Variants in PTPRD observed in about 807,000 individuals in gnomAD.
PTPRD encodes receptor-type tyrosine-protein phosphatase delta.
PTPRD carries 34 observed loss-of-function variants against 214.5 expected under a neutral mutation model. The ratio of observed to expected loss-of-function variants is 0.16; its 90% CI spans 0.12 to 0.21. The LOEUF (loss-of-function observed/expected upper bound fraction) is 0.21. Among genes scored for constraint, PTPRD ranks in the 10% least tolerant of loss-of-function variants. PTPRD has a pLI of 1.00. For missense variants in PTPRD, 2,545 were observed against 2,398.7 expected (o/e 1.06, Z -1.27); for synonymous variants, 1,128 against 845.7 (o/e 1.33, Z -5.79).
At chr9:10,310,753 C>T (rs1390686415) in intron 3 of PTPRD, among the ~76,000 whole-genome samples, 2 of 152,072 alleles carry the variant, frequency 1.3e-5, no homozygotes, top group Admixed American at 6.6e-5. Context: ...GACACACTTA[C>T]GTGTAACACT....
At chr9:9,631,871 A>G (rs2095605690) in intron 7 of PTPRD, among the ~76,000 whole-genome samples, 1 of 152,306 alleles carries the variant, frequency 6.6e-6, no homozygotes, top group East Asian at 1.9e-4. Flanking sequence ...AGAAAATATA[A>G]GTAATTGGAA....
intron 11 of PTPRD, among the ~76,000 whole-genome samples, chr9:8,912,290 A>G (rs530212125): frequency 6.6e-6 from 1 of 152,356 alleles, no homozygotes; most frequent in African/African-American, 2.4e-5. Flanking sequence ...AAACAATGTT[A>G]TATATACTTG....
chr9:9,564,065 G>T (rs2083662614), intron 8 of PTPRD, among the ~76,000 whole-genome samples: 1 of 152,086 alleles, frequency 6.6e-6, no homozygotes, highest in Admixed American at 6.6e-5. Context: ...ATAGCTACCA[G>T]TGCTTGTGGA....
At chr9:8,440,517 G>A (rs897204789) in intron 34 of PTPRD, among the ~76,000 whole-genome samples, 10 of 152,240 alleles carry the variant, frequency 6.6e-5, no homozygotes, top group African/African-American at 2.2e-4. Context: ...GTTTCACCAT[G>A]TTGGTCAGGC....
chr9:9,108,559 T>G (rs1282731775), intron 10 of PTPRD, among the ~76,000 whole-genome samples: 1 of 152,184 alleles, frequency 6.6e-6, no homozygotes, highest in Non-Finnish European at 1.5e-5. Flanking sequence ...CAGGCTGCTT[T>G]TATCTTGGGC....
intron 39 of PTPRD, among the ~76,000 whole-genome samples, chr9:8,356,095 G>A (rs903673826): frequency 2.6e-5 from 4 of 152,096 alleles, no homozygotes; most frequent in African/African-American, 7.2e-5. Context: ...TTTCAAAAAC[G>A]CAAAGTTTGC....
At chr9:8,837,925 T>TTA (rs2097470516) in intron 11 of PTPRD, among the ~76,000 whole-genome samples, 1 of 152,210 alleles carries the variant, frequency 6.6e-6, no homozygotes, top group Non-Finnish European at 1.5e-5. Flanking sequence ...TACAATTAAA[T>TTA]TATATGTAAT....
intron 10 of PTPRD, among the ~76,000 whole-genome samples, chr9:9,154,139 G>A (rs962396607): frequency 1.1e-4 from 17 of 152,044 alleles, no homozygotes; most frequent in African/African-American, 1.2e-4. Flanking sequence ...CTGCAACTCC[G>A]TCAGACCAAA....
intron 4 of PTPRD, among the ~76,000 whole-genome samples, chr9:9,943,585 A>G (rs1367582945): frequency 6.6e-6 from 1 of 152,148 alleles, no homozygotes; most frequent in Non-Finnish European, 1.5e-5. Context: ...ATAATATGCT[A>G]TATTAGAAGA....
chr9:10,313,693 C>A (rs1309709653), intron 3 of PTPRD, among the ~76,000 whole-genome samples: 1 of 151,942 alleles, frequency 6.6e-6, no homozygotes, highest in Admixed American at 6.6e-5. Context: ...CCAGGACCAG[C>A]CACTTGGATG....
chr9:8,361,705 G>A (rs1440201416), intron 39 of PTPRD, among the ~76,000 whole-genome samples: 1 of 152,158 alleles, frequency 6.6e-6, no homozygotes, highest in Admixed American at 6.5e-5. Context: ...ACACTGCCTG[G>A]AATGTTGATA....
chr9:9,000,784 G>A (rs1450819516), intron 11 of PTPRD, among the ~76,000 whole-genome samples: 4 of 151,974 alleles, frequency 2.6e-5, no homozygotes, highest in Non-Finnish European at 5.9e-5. Flanking sequence ...TAATATGGGT[G>A]TATTATGAAG....
At chr9:10,427,819 C>T (rs995504047) in intron 2 of PTPRD, among the ~76,000 whole-genome samples, 4 of 151,960 alleles carry the variant, frequency 2.6e-5, no homozygotes, top group South Asian at 2.1e-4. Context: ...CTAAAACCAC[C>T]GCCTACCTCC....
chr9:10,392,148 A>T (rs886234325), intron 2 of PTPRD, among the ~76,000 whole-genome samples: 1 of 151,964 alleles, frequency 6.6e-6, no homozygotes, highest in Non-Finnish European at 1.5e-5. Context: ...TGAGGCCCAG[A>T]ACTACATCTG....
chr9:8,692,988 A>G (rs1345646714), intron 12 of PTPRD, among the ~76,000 whole-genome samples: 1 of 152,218 alleles, frequency 6.6e-6, no homozygotes, highest in African/African-American at 2.4e-5. Context: ...AGCTCCAAAG[A>G]TTAGCAAAAT....
chr9:10,271,091 T>C (rs2094392932), intron 3 of PTPRD, among the ~76,000 whole-genome samples: 1 of 152,126 alleles, frequency 6.6e-6, no homozygotes, highest in Non-Finnish European at 1.5e-5. Flanking sequence ...CCCAAAGTAC[T>C]GAAATTACAG....
At chr9:9,612,224 A>T (rs973918517) in intron 7 of PTPRD, among the ~76,000 whole-genome samples, 1 of 152,110 alleles carries the variant, frequency 6.6e-6, no homozygotes, top group African/African-American at 2.4e-5. Flanking sequence ...GGGAATAAAA[A>T]AAACAGTACT....
At chr9:10,293,520 T>A (rs1024935253) in intron 3 of PTPRD, among the ~76,000 whole-genome samples, 2 of 151,932 alleles carry the variant, frequency 1.3e-5, no homozygotes, top group South Asian at 4.1e-4. Flanking sequence ...TAAATCATGT[T>A]AGAAAAACTT....
At chr9:8,919,551 A>G (rs1010695444) in intron 11 of PTPRD, among the ~76,000 whole-genome samples, 28 of 152,174 alleles carry the variant, frequency 1.8e-4, no homozygotes, top group Non-Finnish European at 3.5e-4. Flanking sequence ...CTGCTGATTA[A>G]TGAGGGCATT....
Sources: gnomAD v4.1 joint callset for allele counts (sites outside exome capture counted in the v4.1 genomes callset) on GRCh38, gnomAD v4.1.1 for gene constraint, MANE v1.5 for transcripts, NCBI Gene and HGNC (gene_info 2026-07-23, HGNC 2026-07-21) for gene names.